The following ARHGAP29 variants were observed in gnomAD, a reference collection of about 807,000 sequenced individuals.
The protein encoded by ARHGAP29 is rho GTPase-activating protein 29.
ARHGAP29 carries 43 observed loss-of-function variants against 122.6 expected under a neutral mutation model. The observed-to-expected ratio is 0.35, with a 90% confidence interval of 0.27 to 0.45. The LOEUF (loss-of-function observed/expected upper bound fraction) is 0.45, where lower values mean the gene tolerates loss of function less well. Among genes scored for constraint, ARHGAP29 ranks in the 20% least tolerant of loss-of-function variants. ARHGAP29 has a pLI of 1.00. For missense variants in ARHGAP29, 1,303 were observed against 1,477.2 expected, an observed-to-expected ratio of 0.88 and a Z score of 1.93; for synonymous variants, 506 against 497.1, an observed-to-expected ratio of 1.02 and a Z score of -0.24.
At chr1:94,272,360 G>T (rs1655023671) in intron 1 of ARHGAP29, among the ~76,000 whole-genome samples, 1 of 152,196 alleles carries the variant, frequency 6.6e-6, no homozygotes, top group East Asian at 1.9e-4. Flanking sequence ...TGGTAGAGCT[G>T]CTCCTTGAAC....
chr1:94,227,601 T>C (rs904294769), intron 2 of ARHGAP29, among the ~76,000 whole-genome samples: 1 of 151,822 alleles, frequency 6.6e-6, no homozygotes, highest in African/African-American at 2.4e-5. Flanking sequence ...CTATTCTTTC[T>C]AGCCCAATTA....
chr1:94,190,338 C>G (rs887992822), intron 12 of ARHGAP29: 7 of 332,496 alleles, frequency 2.1e-5, no homozygotes, highest in African/African-American at 1.5e-4. Flanking sequence ...AAAGTGACTT[C>G]AAAAACTCCA....
At chr1:94,289,076 T>C in the ARHGAP29 span, among the ~76,000 whole-genome samples, 1 of 152,158 alleles carries the variant, frequency 6.6e-6, no homozygotes, top group Admixed American at 6.6e-5. Flanking sequence ...TAAATTAACT[T>C]GGCAGTATGG....
Position 94,173,774 on chromosome 1 carries a change from A to C in ARHGAP29, c.*95T>G. 10 of 1,424,588 alleles carry C rather than the reference A, an allele frequency of 7.0e-6. No individual in the cohort carries two copies. The highest frequency in any genetic ancestry group is 2.3e-5 in the East Asian group (1 of 43,642). 88.2% of individuals were successfully genotyped at this position (1,424,588 alleles called of 1,614,324 possible). ...AAAACCCATGATTTGGCAGTCCTATACAAAAGAGGCCCTGTCAAAACATTC... is the reference window on the plus strand; with the variant it reads ...AAAACCCATGATTTGGCAGTCCTATCCAAAAGAGGCCCTGTCAAAACATTC... On this transcript the variant is annotated 3_prime_UTR_variant, in exon 23 of 23. Transcript: ENST00000260526.
rs765713461 is a variant in ARHGAP29 at position 94,189,992 on chromosome 1, T to C, written c.1373A>G (p.Asp458Gly). 1 of 1,613,398 alleles carries C rather than the reference T, an allele frequency of 6.2e-7. No individual in the cohort carries two copies. The highest frequency in any genetic ancestry group is 1.3e-5 in the African/African-American group (1 of 74,894). ...AAATTCACTGTACTCTTGGCCTGGG[T>C]CATAGAGTTTGGCACTATCACAGAG... ...QSLCDSAKLY[D>G]PGQEYSEFVK... Residue 458 changes from aspartate to glycine, a missense_variant, in exon 13 of 23, where the codon GAC becomes GGC. Physicochemically the swap from Asp to Gly is moderately conservative, Grantham distance 94. Coordinates refer to ENST00000260526, the MANE Select transcript of ARHGAP29 (RefSeq NM_004815.4).
the ARHGAP29 span, among the ~76,000 whole-genome samples, chr1:94,286,276 C>T: frequency 2.6e-5 from 4 of 152,094 alleles, no homozygotes; most frequent in South Asian, 4.1e-4. Context: ...TAATTATGGC[C>T]TAAAAATACA....
At chr1:94,205,322 G>A in intron 6 of ARHGAP29, 124 bp from the exon 7 acceptor site, 2 of 777,868 alleles carry the variant, frequency 2.6e-6, no homozygotes, top group East Asian at 6.3e-5. Context: ...AAATACAAGT[G>A]ACAAATTTAC....
chr1:94,296,363 A>G, the ARHGAP29 span, among the ~76,000 whole-genome samples: 1 of 152,202 alleles, frequency 6.6e-6, no homozygotes, highest in Admixed American at 6.5e-5. Context: ...GCACCAAAGC[A>G]CAAGAGTAGT....
intron 17 of ARHGAP29, 94 bp downstream of exon 17, chr1:94,185,248 A>G: frequency 7.3e-7 from 1 of 1,367,012 alleles, no homozygotes; most frequent in Non-Finnish European, 9.8e-7. Flanking sequence ...TATTAAACAT[A>G]TATTTGCAAA....
the ARHGAP29 span, chr1:94,303,035 GA>G: frequency 6.1e-6 from 1 of 163,796 alleles, no homozygotes; most frequent in African/African-American, 2.4e-5. Context: ...AGAGCCCCCA[GA>G]CCACCAGCCC....
chr1:94,234,685 T>C lies in ARHGAP29; in HGVS notation c.-33+2730A>G, dbSNP rs555102364. On this transcript the variant is annotated intron_variant, in intron 1 of 22. Transcript: ENST00000260526. ...TTTGAGCATTATTATTATATCTAAG[T>C]CTTCCTTCCCATCAACAAAAACAAA... Among the ~76,000 whole-genome samples the C allele has an allele frequency of 8.5e-5, 13 of 152,332 alleles. 1 individual carries two copies. The highest frequency in any genetic ancestry group is 3.1e-4 in the African/African-American group (13 of 41,582).
chr1:94,278,198 A>G (rs2100744518), upstream of ARHGAP29, among the ~76,000 whole-genome samples: 1 of 152,252 alleles, frequency 6.6e-6, no homozygotes, highest in South Asian at 2.1e-4. Flanking sequence ...ACACAGTTGT[A>G]GTCCTAGCTA....
At chr1:94,314,163 G>A in the ARHGAP29 span, among the ~76,000 whole-genome samples, 1 of 152,186 alleles carries the variant, frequency 6.6e-6, no homozygotes, top group Non-Finnish European at 1.5e-5. Flanking sequence ...GTAACTTTTT[G>A]AAGGCAGCAA....
At chr1:94,264,011 A>G (rs983388305) in intron 1 of ARHGAP29, among the ~76,000 whole-genome samples, 1 of 152,218 alleles carries the variant, frequency 6.6e-6, no homozygotes, top group East Asian at 1.9e-4. Context: ...CCGAGCTTGC[A>G]TCAATCCTAT....
chr1:94,175,932 TG>T (rs1254092570), intron 22 of ARHGAP29, among the ~76,000 whole-genome samples: 2 of 152,156 alleles, frequency 1.3e-5, no homozygotes, highest in South Asian at 2.1e-4. Flanking sequence ...CCTGAACTCC[TG>T]GCTTCAAGAT....
chr1:94,267,280 C>G (rs977414104), intron 1 of ARHGAP29, among the ~76,000 whole-genome samples: 5 of 152,160 alleles, frequency 3.3e-5, no homozygotes, highest in African/African-American at 1.2e-4. Context: ...CTGGTGTGTT[C>G]TCAATTAGGA....
chr1:94,240,626 C>G (rs1260499638), upstream of ARHGAP29, among the ~76,000 whole-genome samples: 1 of 152,150 alleles, frequency 6.6e-6, no homozygotes, highest in Non-Finnish European at 1.5e-5. Flanking sequence ...TGCAGAAAAA[C>G]ATTTCTGGAA....
At chr1:94,191,633 C>A (rs1054998976) in intron 12 of ARHGAP29, 2 of 152,168 alleles carry the variant, frequency 1.3e-5, no homozygotes, top group African/African-American at 4.8e-5. Context: ...AGGTAACTTG[C>A]ACGCTAGGTG....
chr1:94,179,035 G>A (rs1649283722), intron 20 of ARHGAP29, among the ~76,000 whole-genome samples: 1 of 152,058 alleles, frequency 6.6e-6, no homozygotes, highest in Non-Finnish European at 1.5e-5. Context: ...TCTGCATGCT[G>A]TGCATAGCTG....
Sources: allele counts gnomAD v4.1 joint callset (sites outside exome capture counted in the v4.1 genomes callset), GRCh38; gene constraint gnomAD v4.1.1; transcripts MANE v1.5; gene names NCBI Gene and HGNC (gene_info 2026-07-23, HGNC 2026-07-21).